Variants in ITPR2 observed in about 807,000 individuals in gnomAD.
ITPR2 encodes the protein inositol 1,4,5-trisphosphate receptor type 2, also known as inositol 1,4,5-trisphosphate-gated calcium channel ITPR2.
Under a neutral mutation model 317.1 loss-of-function variants are expected in ITPR2, and 207 were observed. The ratio of observed to expected loss-of-function variants is 0.65; its 90% CI spans 0.58 to 0.73. The LOEUF (loss-of-function observed/expected upper bound fraction) is 0.73. Among genes scored for constraint, ITPR2 ranks in the 30% least tolerant of loss-of-function variants. ITPR2 has a pLI of 0.00. For synonymous variants in ITPR2, 1,156 were observed against 1,149.1 expected (o/e 1.01, Z -0.12); for missense variants, 2,613 against 3,284.0 (o/e 0.80, Z 4.99).
At chr12:26,345,478 A>G (rs1938275929) in intron 55 of ITPR2, among the ~76,000 whole-genome samples, 1 of 152,214 alleles carries the variant, frequency 6.6e-6, no homozygotes, top group Non-Finnish European at 1.5e-5. Flanking sequence ...TTAAGACAAT[A>G]TACTGTGATA....
chr12:26,708,759 T>A (rs1948599219), intron 9 of ITPR2, among the ~76,000 whole-genome samples: 1 of 152,138 alleles, frequency 6.6e-6, no homozygotes, highest in Non-Finnish European at 1.5e-5. Flanking sequence ...AAGAGTAGAA[T>A]TGGAATGTTC....
At chr12:26,468,150 C>A (rs1171817696) in intron 45 of ITPR2, among the ~76,000 whole-genome samples, 1 of 152,008 alleles carries the variant, frequency 6.6e-6, no homozygotes, top group Non-Finnish European at 1.5e-5. Flanking sequence ...TGTATTTTAT[C>A]TAGGAAATGT....
chr12:26,657,865 G>T lies in ITPR2; in HGVS notation c.2034C>A (p.Pro678=). The T allele has an allele frequency of 3.7e-6, 6 of 1,614,020 alleles. No individual in the cohort carries two copies. Among genetic ancestry groups the T allele is most frequent in the Non-Finnish European group, 4.2e-6 (5 of 1,179,972 alleles). ...TKVVSMQADN[P]MESSILSDDI... ...CATCTGAAAGGATGGAGCTCTCCAT[G>T]GGGTTGTCTGCTTGCATTGAGACCA... Residue 678 remains proline (P), a synonymous_variant, in exon 18 of 57, where the codon CCC becomes CCA. Coordinates refer to ENST00000381340, the MANE Select transcript of ITPR2 (RefSeq NM_002223.4).
intron 2 of ITPR2, among the ~76,000 whole-genome samples, chr12:26,735,492 G>T (rs1044271218): frequency 2.6e-5 from 4 of 152,088 alleles, no homozygotes; most frequent in African/African-American, 9.7e-5. Flanking sequence ...GAGAGGAGAG[G>T]GAGAGGGGGA....
At chr12:26,589,853 T>TACATAC in intron 32 of ITPR2, among the ~76,000 whole-genome samples, 1 of 57,314 alleles carries the variant, frequency 1.7e-5, no homozygotes, top group East Asian at 3.1e-4. Flanking sequence ...TATATATATA[T>TACATAC]ACACACACAC....
Position 26,611,694 on chromosome 12 carries a change from C to T in ITPR2, c.3463-8988G>A, listed in dbSNP as rs113060614. Among the ~76,000 whole-genome samples, 6 of 152,280 alleles carry T rather than the reference C, an allele frequency of 3.9e-5. 1 individual carries two copies. The highest frequency in any genetic ancestry group is 1.4e-4 in the African/African-American group (6 of 41,560). Reference sequence around the variant, plus strand: ...AAAAATTAACAATCAAAATAAACAACATGAGGAACTTTCCTCTGAAGCACT... The same window carrying T: ...AAAAATTAACAATCAAAATAAACAATATGAGGAACTTTCCTCTGAAGCACT... On this transcript the variant is annotated intron_variant, in intron 26 of 56. Coordinates refer to ENST00000381340, the MANE Select transcript of ITPR2 (RefSeq NM_002223.4).
intron 26 of ITPR2, among the ~76,000 whole-genome samples, chr12:26,616,171 T>A (rs1003576170): frequency 3.3e-5 from 5 of 152,144 alleles, no homozygotes; most frequent in Admixed American, 6.5e-5. Flanking sequence ...AGAGTCTCAC[T>A]CTGTTGCCCA....
intron 41 of ITPR2, among the ~76,000 whole-genome samples, chr12:26,485,109 C>T (rs567164189): frequency 2.0e-4 from 30 of 151,808 alleles, no homozygotes; most frequent in African/African-American, 4.1e-4. Flanking sequence ...AAAACCTGGG[C>T]CCTGACAATA....
intron 13 of ITPR2, among the ~76,000 whole-genome samples, chr12:26,673,697 C>A (rs1276921637): frequency 3.8e-4 from 58 of 150,992 alleles, no homozygotes; most frequent in African/African-American, 1.3e-3. Context: ...CTGGCCAGGG[C>A]AATTAGGCAG....
intron 37 of ITPR2, among the ~76,000 whole-genome samples, chr12:26,533,893 C>G (rs551558469): frequency 6.6e-6 from 1 of 152,264 alleles, no homozygotes; most frequent in East Asian, 1.9e-4. Context: ...GCCCTACAAA[C>G]TAATACAGGT....
At chr12:26,393,362 A>G (rs562541025) in intron 54 of ITPR2, among the ~76,000 whole-genome samples, 1 of 152,368 alleles carries the variant, frequency 6.6e-6, no homozygotes, top group East Asian at 1.9e-4. Context: ...TTCTCCTAAC[A>G]TATATGAGAT....
intron 48 of ITPR2, among the ~76,000 whole-genome samples, chr12:26,433,932 T>C (rs1941284811): frequency 6.6e-6 from 1 of 152,212 alleles, no homozygotes; most frequent in Admixed American, 6.5e-5. Context: ...AATTTTGCTT[T>C]CTGAATTTTC....
intron 2 of ITPR2, among the ~76,000 whole-genome samples, chr12:26,749,590 A>T (rs1949382710): frequency 6.6e-6 from 1 of 152,230 alleles, no homozygotes; most frequent in African/African-American, 2.4e-5. Flanking sequence ...TCGCTTTAAA[A>T]ATCCAAGCCT....
intron 32 of ITPR2, among the ~76,000 whole-genome samples, chr12:26,586,914 C>T (rs1264193903): frequency 5.9e-5 from 9 of 152,048 alleles, no homozygotes; most frequent in Non-Finnish European, 1.3e-4. Context: ...CAATAGGAGT[C>T]TACAAAGTTG....
At chr12:26,665,582 G>C (rs1242615497) in intron 14 of ITPR2, among the ~76,000 whole-genome samples, 1 of 152,150 alleles carries the variant, frequency 6.6e-6, no homozygotes, top group Non-Finnish European at 1.5e-5. Context: ...TTCTAAGAAA[G>C]CAAGCTGCCT....
At chr12:26,603,010 C>T (rs1323757029) in intron 26 of ITPR2, among the ~76,000 whole-genome samples, 1 of 152,068 alleles carries the variant, frequency 6.6e-6, no homozygotes, top group Non-Finnish European at 1.5e-5. Context: ...ACATATATAT[C>T]TCAGACATGC....
chr12:26,494,324 T>C lies in ITPR2; in HGVS notation c.5199A>G (p.Gln1733=). The C allele has an allele frequency of 6.2e-7, 1 of 1,605,396 alleles. No homozygotes were observed. The highest frequency in any genetic ancestry group is 8.5e-7 in the Non-Finnish European group (1 of 1,177,050). The part of the protein sequence containing the change: ...TAQVGGSFSG[Q]DSDKMGISMS... The stretch of plus-strand genomic sequence containing the variant: ...TTGATATCCCCATCTTATCTGAATC[T>C]TGTCCAGAAAAGCTTCCTGTGATTG... Residue 1733 remains glutamine (Q), a synonymous_variant, in exon 39 of 57, where the codon CAA becomes CAG. Transcript: ENST00000381340.
In ITPR2 at chr12:26,538,985, G is replaced by C. The variant is rs148364083; in HGVS notation, c.5073+11262C>G. Among the ~76,000 whole-genome samples the C allele has an allele frequency of 9.7e-4, 148 of 152,266 alleles. 1 individual carries two copies. Among genetic ancestry groups the C allele is most frequent in the African/African-American group, 3.3e-3 (139 of 41,544 alleles). On this transcript the variant is annotated intron_variant, in intron 37 of 56. Transcript: ENST00000381340. ...GAGAGTTAGTGTGAAGATCCAAGCA[G>C]ACACAGACACATTGTTACCTTGCAA...
chr12:26,703,503 G>A (rs1211583029), intron 9 of ITPR2, among the ~76,000 whole-genome samples: 1 of 152,098 alleles, frequency 6.6e-6, no homozygotes, highest in African/African-American at 2.4e-5. Context: ...GTTGGGAGGG[G>A]CTGTCCTGTG....
Sources: gnomAD v4.1 joint callset for allele counts (sites outside exome capture counted in the v4.1 genomes callset) on GRCh38, gnomAD v4.1.1 for gene constraint, MANE v1.5 for transcripts, NCBI Gene and HGNC (gene_info 2026-07-23, HGNC 2026-07-21) for gene names.